The following HECW2 variants were observed in gnomAD, a reference collection of about 807,000 sequenced individuals.
The protein encoded by HECW2 is E3 ubiquitin-protein ligase HECW2.
HECW2 carries 61 observed loss-of-function variants against 175.2 expected under a neutral mutation model. The observed-to-expected ratio is 0.35, with a 90% CI of 0.28 to 0.43. The LOEUF (loss-of-function observed/expected upper bound fraction) is 0.43, where lower values mean the gene tolerates loss of function less well. Among genes scored for constraint, HECW2 ranks in the 20% least tolerant of loss-of-function variants. The pLI, the probability that HECW2 is intolerant of heterozygous loss-of-function variation, is 1.00. For missense variants in HECW2, 1,524 were observed against 2,000.5 expected (o/e 0.76, Z 4.54); for synonymous variants, 671 against 731.0 (o/e 0.92, Z 1.32).
At chr2:196,499,226 T>C (rs1687496923) in intron 1 of HECW2, among the ~76,000 whole-genome samples, 1 of 151,792 alleles carries the variant, frequency 6.6e-6, no homozygotes, top group African/African-American at 2.4e-5. Context: ...GGCTGTAACA[T>C]GATTACTTCT....
At chr2:196,311,520 G>C (rs1221098129) in intron 10 of HECW2, among the ~76,000 whole-genome samples, 1 of 152,162 alleles carries the variant, frequency 6.6e-6, no homozygotes, top group Non-Finnish European at 1.5e-5. Flanking sequence ...TCAGCGGCCG[G>C]GTGCGGTGGC....
At chr2:196,536,244 C>T (rs182861596) in intron 1 of HECW2, among the ~76,000 whole-genome samples, 6 of 152,304 alleles carry the variant, frequency 3.9e-5, no homozygotes, top group Admixed American at 3.3e-4. Context: ...GTAAAACTTA[C>T]GGGATGGGAC....
rs558725440 is a variant in HECW2, at chr2:196,243,932, G to T, written c.3530-1728C>A. ...GGTTTTGTGTCACTGGGTAACACAA[G>T]CAGCAGGTTGGGATAGAAAACTGAT... On this transcript the variant is annotated intron_variant, in intron 19 of 28. Transcript: ENST00000644978. Among the ~76,000 whole-genome samples the T allele has an allele frequency of 9.0e-4, 137 of 152,270 alleles. 1 individual carries two copies. The highest frequency in any genetic ancestry group is 1.5e-3 in the Non-Finnish European group (105 of 68,026).
At chr2:196,283,542 C>A (rs1024246802) in intron 14 of HECW2, among the ~76,000 whole-genome samples, 2 of 151,772 alleles carry the variant, frequency 1.3e-5, no homozygotes, top group South Asian at 4.2e-4. Flanking sequence ...CGCTACCACA[C>A]CTAATTTTTT....
At chr2:196,251,965 G>A (rs1477281889) in intron 19 of HECW2, among the ~76,000 whole-genome samples, 3 of 151,884 alleles carry the variant, frequency 2.0e-5, no homozygotes, top group Non-Finnish European at 4.4e-5. Context: ...TTGGGAGGCC[G>A]AGGCAGGCAG....
intron 19 of HECW2, among the ~76,000 whole-genome samples, chr2:196,245,427 A>G (rs1205945710): frequency 6.6e-6 from 1 of 152,196 alleles, no homozygotes; most frequent in African/African-American, 2.4e-5. Context: ...GAGTGTGGGA[A>G]GTGATGCAGG....
intron 2 of HECW2, among the ~76,000 whole-genome samples, chr2:196,382,336 A>G (rs1426310915): frequency 1.3e-5 from 2 of 152,014 alleles, no homozygotes; most frequent in African/African-American, 4.8e-5. Flanking sequence ...CTGTGAGAAA[A>G]AAAGGGAAAA....
chr2:196,292,956 C>A (rs1172875898), intron 13 of HECW2, among the ~76,000 whole-genome samples: 1 of 152,142 alleles, frequency 6.6e-6, no homozygotes, highest in Non-Finnish European at 1.5e-5. Context: ...GAAGGTAAGG[C>A]AGTATCCACA....
intron 13 of HECW2, among the ~76,000 whole-genome samples, chr2:196,303,320 T>C (rs1355745082): frequency 1.3e-5 from 2 of 152,186 alleles, no homozygotes; most frequent in African/African-American, 2.4e-5. Context: ...AGTATTTTAT[T>C]GAGAATTTTT....
At chr2:196,322,743 A>ATTTCTAGCTATGT in intron 6 of HECW2, 123 bp from the exon 7 acceptor site, 2 of 784,068 alleles carry the variant, frequency 2.6e-6, no homozygotes, top group Non-Finnish European at 4.0e-6. Flanking sequence ...CCACATAGCT[A>ATTTCTAGCTATGT]GAAATAGCTG....
At chr2:196,577,558 T>C (rs1690605387) in intron 1 of HECW2, among the ~76,000 whole-genome samples, 1 of 152,156 alleles carries the variant, frequency 6.6e-6, no homozygotes, top group Non-Finnish European at 1.5e-5. Flanking sequence ...CCTTAGACTC[T>C]AGAACGCCAC....
At position 196,198,849 on chromosome 2, in the gene HECW2, CTGATA is replaced by C. The variant is rs1468725164; in HGVS notation, c.*2423_*2427del. ...ATAATAGATAAGTTAGCATGGTGTT[CTGATA>C]TGATAAGTACATCTTTGATAATTCC... On this transcript the variant is annotated 3_prime_UTR_variant, in exon 29 of 29. Coordinates refer to ENST00000644978, the MANE Select transcript of HECW2 (RefSeq NM_001348768.2). 2 of 152,040 alleles carry C rather than the reference CTGATA, an allele frequency of 1.3e-5. No individual in the cohort carries two copies. The highest frequency in any genetic ancestry group is 2.4e-5 in the African/African-American group (1 of 41,390). The allele number at this position is 152,040 out of a possible 1,614,324, so 9.4% of individuals were successfully genotyped here. A position where few individuals can be genotyped will look rare whatever the true frequency, so the allele number is the denominator to read the frequency against.
chr2:196,373,661 C>T (rs1693966471), intron 2 of HECW2, among the ~76,000 whole-genome samples: 1 of 152,148 alleles, frequency 6.6e-6, no homozygotes, highest in African/African-American at 2.4e-5. Flanking sequence ...AATTTAACAA[C>T]TTCCTTCAGT....
At chr2:196,519,486 A>T (rs1688267118) in intron 1 of HECW2, among the ~76,000 whole-genome samples, 1 of 152,248 alleles carries the variant, frequency 6.6e-6, no homozygotes, top group African/African-American at 2.4e-5. Context: ...TATTTCTTAA[A>T]ATATGTAATA....
intron 1 of HECW2, among the ~76,000 whole-genome samples, chr2:196,476,897 G>A (rs1180886818): frequency 1.6e-5 from 2 of 125,070 alleles, no homozygotes; most frequent in African/African-American, 3.0e-5. Context: ...GATCACTTGA[G>A]GCCAGGAGTT....
chr2:196,582,373 C>G (rs140265348), intron 1 of HECW2, among the ~76,000 whole-genome samples: 1 of 152,296 alleles, frequency 6.6e-6, no homozygotes, highest in African/African-American at 2.4e-5. Context: ...CCCTGACTGC[C>G]TTGTTGCAGT....
chr2:196,419,486 G>T (rs1389901087), intron 2 of HECW2, among the ~76,000 whole-genome samples: 1 of 152,080 alleles, frequency 6.6e-6, no homozygotes, highest in Non-Finnish European at 1.5e-5. Context: ...CATCTTCTTG[G>T]TAAAGCCTTT....
intron 1 of HECW2, among the ~76,000 whole-genome samples, chr2:196,570,380 G>A (rs181872261): frequency 4.6e-5 from 7 of 152,266 alleles, no homozygotes; most frequent in Admixed American, 4.6e-4. Flanking sequence ...AATCAAGCTT[G>A]CAAACTTATC....
intron 2 of HECW2, chr2:196,361,777 T>C: frequency 1.0e-6 from 1 of 981,980 alleles, no homozygotes; most frequent in Non-Finnish European, 1.2e-6. Flanking sequence ...CAAGTGACAG[T>C]GGAATTCATT....
Sources: allele counts gnomAD v4.1 joint callset (sites outside exome capture counted in the v4.1 genomes callset), GRCh38; gene constraint gnomAD v4.1.1; transcripts MANE v1.5; gene names NCBI Gene and HGNC (gene_info 2026-07-23, HGNC 2026-07-21).